Variants in AZIN2 observed in about 807,000 individuals in gnomAD.
AZIN2 encodes the protein antizyme inhibitor 2.
A neutral mutation model predicts 47.8 loss-of-function variants in AZIN2; 28 were observed. The ratio of observed to expected loss-of-function variants is 0.59; its 90% CI spans 0.43 to 0.80. AZIN2 has a LOEUF of 0.80. Among genes scored for constraint, AZIN2 ranks in the 30% least tolerant of loss-of-function variants. The pLI, the probability that AZIN2 is intolerant of heterozygous loss-of-function variation, is 0.00. For missense variants in AZIN2, 535 were observed against 582.5 expected (o/e 0.92, Z 0.84); for synonymous variants, 221 against 239.4 (o/e 0.92, Z 0.71).
the AZIN2 span, among the ~76,000 whole-genome samples, chr1:33,156,590 G>T: frequency 2.6e-4 from 40 of 152,084 alleles, no homozygotes; most frequent in African/African-American, 9.7e-4. Context: ...GGAGTGTTCC[G>T]GGGCTCCTGA....
rs201647246 is a variant in AZIN2 at position 33,120,083 on chromosome 1, G to T, written c.1284G>T (p.Glu428Asp). The T allele has an allele frequency of 1.2e-5, 19 of 1,614,066 alleles. No individual in the cohort carries two copies. The highest frequency in any genetic ancestry group is 5.3e-5 in the African/African-American group (4 of 75,058). ...GGCAGCTGATGGCTGCAGAACAGGA[G>T]GATGACGTGGAGGGTGTGTGCAAGC... Reference protein sequence around the residue: ...LRRQLMAAEQEDDVEGVCKPL... With the variant: ...LRRQLMAAEQDDDVEGVCKPL... The change falls in exon 12 of 12, where the codon GAG (glutamate) becomes GAT (aspartate). Residue 428 changes from glutamate to aspartate, a missense_variant. Transcript: ENST00000294517.
intron 4 of AZIN2, chr1:33,083,640 C>T (rs1641536092): frequency 2.5e-6 from 1 of 405,476 alleles, no homozygotes; most frequent in Admixed American, 3.6e-5. Flanking sequence ...AGGATTTTGC[C>T]AGACACAGGA....
chr1:33,140,513 G>A, the AZIN2 span, among the ~76,000 whole-genome samples: 6 of 152,218 alleles, frequency 3.9e-5, no homozygotes, highest in African/African-American at 1.4e-4. This position sits in a 1 kb window ranked among gnomAD's most constrained non-coding sequence, Gnocchi z 4.0. Context: ...AGCCTGCAGG[G>A]AGTGAGGGGG....
chr1:33,095,107 C>A (rs1643002464), intron 8 of AZIN2, among the ~76,000 whole-genome samples: 1 of 152,216 alleles, frequency 6.6e-6, no homozygotes, highest in Non-Finnish European at 1.5e-5. Context: ...CCTGTCCATT[C>A]TCTTCCTCTA....
the AZIN2 span, chr1:33,158,242 C>T: frequency 6.2e-7 from 1 of 1,612,500 alleles, no homozygotes. Context: ...CCATGATAAC[C>T]CATGCCTTAC....
At chr1:33,142,453 G>A in the AZIN2 span, 31,378 of 152,166 alleles carry the variant, frequency 0.21, 3,400 homozygotes, top group South Asian at 0.3. Context: ...GGGACCTAAC[G>A]TTAGACTTAC....
chr1:33,130,484 C>G, the AZIN2 span, among the ~76,000 whole-genome samples: 1 of 152,140 alleles, frequency 6.6e-6, no homozygotes, highest in Non-Finnish European at 1.5e-5. Context: ...TGTCAAAGAA[C>G]AGATGACTAA....
At chr1:33,132,604 C>T in the AZIN2 span, among the ~76,000 whole-genome samples, 1 of 152,326 alleles carries the variant, frequency 6.6e-6, no homozygotes, top group South Asian at 2.1e-4. Context: ...TGGTTAGTTG[C>T]TCCTTCTCTA....
chr1:33,160,554 G>A, the AZIN2 span, among the ~76,000 whole-genome samples: 1 of 151,946 alleles, frequency 6.6e-6, no homozygotes, highest in Non-Finnish European at 1.5e-5. Flanking sequence ...ACAGGAGCCC[G>A]CCACTATGCC....
Position 33,098,125 on chromosome 1 carries a change from G to A in AZIN2, c.975G>A (p.Gly325=). 5.0e-6 allele frequency: 8 copies of A among 1,614,042 alleles called. No homozygotes were observed. Among genetic ancestry groups the A allele is most frequent in the Non-Finnish European group, 6.8e-6 (8 of 1,180,000 alleles). The change falls in exon 10 of 12, where the codon GGG becomes GGA. Residue 325 remains glycine, a synonymous_variant. Transcript: ENST00000294517. ...IVYHLDEGVY[G]IFNSVLFDNI... The stretch of plus-strand genomic sequence containing the variant: ...ACCACCTTGATGAGGGCGTGTATGG[G>A]ATCTTCAACTCAGTCCTGTTTGACA...
chr1:33,115,336 G>A (rs1644489881), intron 10 of AZIN2, among the ~76,000 whole-genome samples: 1 of 151,906 alleles, frequency 6.6e-6, no homozygotes, highest in Non-Finnish European at 1.5e-5. Context: ...TTTCCACTCA[G>A]ACTTGTAAAA....
At chr1:33,124,338 A>G (rs1008699553), downstream of AZIN2, among the ~76,000 whole-genome samples, 7 of 152,108 alleles carry the variant, frequency 4.6e-5, no homozygotes, top group African/African-American at 1.4e-4. This position sits in a 1 kb window ranked among gnomAD's most constrained non-coding sequence, Gnocchi z 4.6. Context: ...GGAGCCCGCT[A>G]TGCTTCTGGA....
the AZIN2 span, among the ~76,000 whole-genome samples, chr1:33,156,843 G>A: frequency 3.9e-5 from 6 of 151,964 alleles, no homozygotes; most frequent in Admixed American, 1.3e-4. Context: ...TATCTCCCTC[G>A]TCTTCTTTCT....
In AZIN2 at chr1:33,120,298, A is replaced by AC. The variant is rs1644764704; in HGVS notation, c.*121dup. 1 of 1,413,064 alleles carries AC rather than the reference A, an allele frequency of 7.1e-7. No homozygotes were observed. The highest frequency in any genetic ancestry group is 9.5e-7 in the Non-Finnish European group (1 of 1,049,260). 87.5% of individuals were successfully genotyped at this position (1,413,064 alleles called of 1,614,324 possible). ...CCAGGACTCTGGTGCCCACCCTGCCACCCCCGCGCTCCACCTGCAGTGTTT... is the reference window on the plus strand; with the variant it reads ...CCAGGACTCTGGTGCCCACCCTGCCACCCCCCGCGCTCCACCTGCAGTGTTT... On this transcript the variant is annotated 3_prime_UTR_variant, in exon 12 of 12. Transcript: ENST00000294517.
At chr1:33,159,470 G>T in the AZIN2 span, among the ~76,000 whole-genome samples, 1 of 152,142 alleles carries the variant, frequency 6.6e-6, no homozygotes, top group African/African-American at 2.4e-5. The surrounding 1 kb of genome is among the most constrained non-coding windows in gnomAD (Gnocchi z 4.2). Context: ...TTCAAACTGT[G>T]TTCCTCACCA....
At chr1:33,095,074 G>A (rs1189365282) in intron 8 of AZIN2, among the ~76,000 whole-genome samples, 3 of 152,196 alleles carry the variant, frequency 2.0e-5, no homozygotes, top group Admixed American at 2.0e-4. Context: ...GCAGGGAAAC[G>A]AAAACCAACC....
rs976495254 is a variant in AZIN2, at chr1:33,113,217, C to T, written c.1030-4685C>T. Among the ~76,000 whole-genome samples the T allele has an allele frequency of 1.3e-5, 2 of 152,242 alleles. No individual in the cohort carries two copies. Among genetic ancestry groups the T allele is most frequent in the Non-Finnish European group, 2.9e-5 (2 of 68,040 alleles). ...CCTCCTGACCTCATGATCTGCCTAC[C>T]TCTGCCTCCCAAAGTGTTGGGATTC... On this transcript the variant is annotated intron_variant, in intron 10 of 11. Transcript: ENST00000294517. The surrounding 1 kb of genome is among the most constrained non-coding windows in gnomAD (Gnocchi z 4.1).
intron 10 of AZIN2, among the ~76,000 whole-genome samples, chr1:33,107,109 A>G (rs1396433892): frequency 6.6e-6 from 1 of 151,704 alleles, no homozygotes; most frequent in Non-Finnish European, 1.5e-5. Flanking sequence ...CAATGTGGTG[A>G]AACCCTGTCT....
At chr1:33,161,330 G>A in the AZIN2 span, among the ~76,000 whole-genome samples, 1 of 152,220 alleles carries the variant, frequency 6.6e-6, no homozygotes, top group African/African-American at 2.4e-5. This position sits in a 1 kb window ranked among gnomAD's most constrained non-coding sequence, Gnocchi z 4.3. Flanking sequence ...ACGTCAGGAC[G>A]ACACGGGCTA....
Sources: allele counts gnomAD v4.1 joint callset (sites outside exome capture counted in the v4.1 genomes callset), GRCh38; gene constraint gnomAD v4.1.1; non-coding constraint Gnocchi (gnomAD v3.1); transcripts MANE v1.5; gene names NCBI Gene and HGNC (gene_info 2026-07-23, HGNC 2026-07-21).